NAV2: variants seen among roughly 807,000 people sequenced by gnomAD.
NAV2 encodes the protein helicase, APC down-regulated 1.
Under a neutral mutation model 223.2 loss-of-function variants are expected in NAV2, and 54 were observed. The ratio of observed to expected loss-of-function variants is 0.24; its 90% CI spans 0.19 to 0.30. The LOEUF is 0.30. NAV2 is among the 10% of genes least tolerant of loss of function. The pLI, the probability that NAV2 is intolerant of heterozygous loss-of-function variation, is 1.00. For synonymous variants in NAV2, 1,279 were observed against 1,239.3 expected, an observed-to-expected ratio of 1.03 and a Z score of -0.67; for missense variants, 2,806 against 3,147.5, an observed-to-expected ratio of 0.89 and a Z score of 2.60.
At chr11:19,941,134 C>T (rs778419161) in intron 8 of NAV2, among the ~76,000 whole-genome samples, 2 of 152,104 alleles carry the variant, frequency 1.3e-5, no homozygotes, top group Non-Finnish European at 1.5e-5. Context: ...AAGCAGGAGC[C>T]GGAGAATATT....
At chr11:19,546,743 T>G (rs2044510972) in intron 1 of NAV2, among the ~76,000 whole-genome samples, 1 of 152,210 alleles carries the variant, frequency 6.6e-6, no homozygotes, top group South Asian at 2.1e-4. Context: ...TGTAACCGTT[T>G]TAGTGTTTTT....
rs180786689 is a variant in NAV2 at position 19,948,726 on chromosome 11, C to G, written c.2291C>G (p.Thr764Arg). ...LETTFDTNVT[T>R]EMSGRSILSL... The stretch of plus-strand genomic sequence containing the variant: ...ACCACGTTTGACACCAATGTCACCA[C>G]GGAGATGAGTGGCCGTAGCATACTC... Residue 764 changes from threonine to arginine, a missense_variant, in exon 10 of 38, where the codon ACG becomes AGG. Physicochemically the swap from Thr to Arg is moderately conservative, Grantham distance 71 (BLOSUM62 -1). Transcript: ENST00000349880. 1 of 1,597,286 alleles carries G rather than the reference C, an allele frequency of 6.3e-7. No homozygotes were observed. Among genetic ancestry groups the G allele is most frequent in the African/African-American group, 1.3e-5 (1 of 74,546 alleles).
At chr11:19,983,368 A>C (rs913097277) in intron 10 of NAV2, among the ~76,000 whole-genome samples, 3 of 152,180 alleles carry the variant, frequency 2.0e-5, no homozygotes, top group Non-Finnish European at 4.4e-5. Flanking sequence ...TAGTATTACC[A>C]AAAAAAGAAT....
intron 1 of NAV2, among the ~76,000 whole-genome samples, chr11:19,822,705 C>G (rs908309293): frequency 6.6e-6 from 1 of 152,124 alleles, no homozygotes; most frequent in Non-Finnish European, 1.5e-5. Context: ...ATGGCTCTTC[C>G]CCTCCCCCTG....
At chr11:19,678,141 A>G (rs942104112) in intron 1 of NAV2, among the ~76,000 whole-genome samples, 5 of 152,176 alleles carry the variant, frequency 3.3e-5, no homozygotes, top group Admixed American at 1.3e-4. Context: ...TTGAGTCCCA[A>G]CTTGCACTTG....
At chr11:19,986,948 T>G (rs2050847532) in intron 11 of NAV2, among the ~76,000 whole-genome samples, 2 of 152,256 alleles carry the variant, frequency 1.3e-5, no homozygotes, top group Non-Finnish European at 1.5e-5. Flanking sequence ...AATGAGTGTT[T>G]CCCAAAGTGG....
intron 1 of NAV2, among the ~76,000 whole-genome samples, chr11:19,797,530 T>A (rs1046557832): frequency 1.3e-5 from 2 of 152,234 alleles, no homozygotes; most frequent in Admixed American, 6.5e-5. Flanking sequence ...CTGTGCTATT[T>A]TTTAATGCCT....
intron 22 of NAV2, among the ~76,000 whole-genome samples, chr11:20,073,212 G>T (rs2059511494): frequency 6.6e-6 from 1 of 152,014 alleles, no homozygotes; most frequent in Non-Finnish European, 1.5e-5. Flanking sequence ...TTTGTCTTTG[G>T]TTCTGTTTAT....
At chr11:19,920,858 G>A (rs2044218750) in intron 6 of NAV2, among the ~76,000 whole-genome samples, 1 of 152,116 alleles carries the variant, frequency 6.6e-6, no homozygotes. Flanking sequence ...TTTTAAAGGT[G>A]TCTTAGCCTT....
intron 1 of NAV2, among the ~76,000 whole-genome samples, chr11:19,679,626 C>A (rs1165797926): frequency 6.6e-6 from 1 of 152,166 alleles, no homozygotes; most frequent in Non-Finnish European, 1.5e-5. Flanking sequence ...CTTCAAGATT[C>A]ATCTCAAACA....
chr11:19,609,056 C>T lies in NAV2; in HGVS notation c.76-223428C>T, dbSNP rs562911419. On this transcript the variant is annotated intron_variant, in intron 1 of 37. Coordinates refer to the NAV2 transcript ENST00000360655. Reference sequence around the variant, plus strand: ...GCCCACCTGAATAATCCAAGATCATCTCCCTATTTTAAGATCCTTAATTTA... The same window carrying T: ...GCCCACCTGAATAATCCAAGATCATTTCCCTATTTTAAGATCCTTAATTTA... 3.9e-5 allele frequency among the ~76,000 whole-genome samples: 6 copies of T among 152,342 alleles called. No homozygotes were observed. The South Asian group carries it at 1.2e-3, about 32-fold the overall frequency.
chr11:20,047,790 A>G (rs755691994), intron 14 of NAV2, among the ~76,000 whole-genome samples: 1 of 152,220 alleles, frequency 6.6e-6, no homozygotes, highest in Non-Finnish European at 1.5e-5. Context: ...CACGACTTTG[A>G]GCACCCAAGG....
intron 36 of NAV2, among the ~76,000 whole-genome samples, chr11:20,108,606 C>CT (rs5790107): frequency 0.076 from 9,291 of 121,618 alleles, 352 homozygotes; most frequent in African/African-American, 0.09. Context: ...CCACACCTGG[C>CT]TTTTTTTTTT....
chr11:19,990,996 T>G (rs1218453057), intron 11 of NAV2, among the ~76,000 whole-genome samples: 2 of 152,220 alleles, frequency 1.3e-5, no homozygotes, highest in Non-Finnish European at 2.9e-5. Flanking sequence ...TTAACTGCCC[T>G]GAGTTTAGGT....
intron 1 of NAV2, among the ~76,000 whole-genome samples, chr11:19,497,866 T>C (rs2042847178): frequency 6.6e-6 from 1 of 152,064 alleles, no homozygotes; most frequent in Admixed American, 6.6e-5. Context: ...GAATGCAAAA[T>C]ATTAAAAGTG....
At chr11:19,873,307 C>T (rs1179852196) in intron 4 of NAV2, among the ~76,000 whole-genome samples, 1 of 152,108 alleles carries the variant, frequency 6.6e-6, no homozygotes, top group East Asian at 1.9e-4. Context: ...TGACCAAAGA[C>T]AGGCAAATCA....
At chr11:19,867,541 T>C (rs1198053973) in intron 3 of NAV2, among the ~76,000 whole-genome samples, 2 of 152,276 alleles carry the variant, frequency 1.3e-5, no homozygotes, top group Non-Finnish European at 1.5e-5. Context: ...TCTGCAATGA[T>C]GAAAGGCATA....
At chr11:20,090,698 G>A (rs1382026965) in intron 26 of NAV2, among the ~76,000 whole-genome samples, 167 bp from the exon 27 acceptor site, 1 of 152,132 alleles carries the variant, frequency 6.6e-6, no homozygotes, top group East Asian at 1.9e-4. Context: ...ATACAGAGAA[G>A]GAATAAAATC....
At chr11:19,776,393 G>A (rs181469743) in intron 1 of NAV2, among the ~76,000 whole-genome samples, 2 of 152,292 alleles carry the variant, frequency 1.3e-5, no homozygotes, top group African/African-American at 2.4e-5. Flanking sequence ...GCAGGCAGAC[G>A]AGGAAATAAA....
Sources: gnomAD v4.1 joint callset for allele counts (sites outside exome capture counted in the v4.1 genomes callset) on GRCh38, gnomAD v4.1.1 for gene constraint, MANE v1.5 for transcripts, NCBI Gene and HGNC (gene_info 2026-07-23, HGNC 2026-07-21) for gene names.